EEFSEC: variants seen among roughly 807,000 people sequenced by gnomAD.
EEFSEC encodes the protein selenocysteine-specific elongation factor.
In EEFSEC, 43 loss-of-function variants were observed where a neutral mutation model predicts 42.1. That is an observed-to-expected ratio of 1.02 (90% CI 0.80 to 1.32). EEFSEC has a LOEUF of 1.32. Ranked by LOEUF, EEFSEC falls within the 40% of genes most tolerant of loss-of-function variation. EEFSEC has a pLI of 0.00. For synonymous variants in EEFSEC, 354 were observed against 339.1 expected (o/e 1.04, Z -0.48); for missense variants, 745 against 803.6 (o/e 0.93, Z 0.88).
intron 1 of EEFSEC, among the ~76,000 whole-genome samples, chr3:128,241,360 C>T (rs900094295): frequency 3.9e-5 from 6 of 151,998 alleles, no homozygotes; most frequent in Admixed American, 2.6e-4. Flanking sequence ...CAGGCATGCA[C>T]CACTATGCCT....
At chr3:128,212,437 AAGGGCCCCAG>A (rs2065768280) in intron 1 of EEFSEC, among the ~76,000 whole-genome samples, 1 of 152,154 alleles carries the variant, frequency 6.6e-6, no homozygotes, top group Non-Finnish European at 1.5e-5. Flanking sequence ...TCTGGTCTGG[AAGGGCCCCAG>A]AGGGCTCTTG....
chr3:128,247,039 A>G lies in EEFSEC; in HGVS notation c.520A>G (p.Thr174Ala), dbSNP rs2066135933. 2 of 1,613,938 alleles carry G rather than the reference A, an allele frequency of 1.2e-6. No individual in the cohort carries two copies. The highest frequency in any genetic ancestry group is 1.7e-6 in the Non-Finnish European group (2 of 1,180,004). The change falls in exon 2 of 7, where the codon ACC (threonine) becomes GCC (alanine). Residue 174 changes from threonine (T) to alanine (A), a missense_variant. By Grantham distance (58) the Thr-to-Ala change is moderately conservative. Coordinates refer to ENST00000254730, the MANE Select transcript of EEFSEC (RefSeq NM_021937.5). ...TKKMQKTLEN[T>A]KFRGAPIIPV... ...GAAAATGCAGAAGACCCTAGAGAAC[A>G]CCAAGTAGGTCTGCTAATGAGAGCA...
At chr3:128,272,099 G>A (rs959653821) in intron 4 of EEFSEC, among the ~76,000 whole-genome samples, 1 of 152,204 alleles carries the variant, frequency 6.6e-6, no homozygotes, top group Non-Finnish European at 1.5e-5. Flanking sequence ...GTGCTGGCTG[G>A]CTCCAGAACT....
intron 4 of EEFSEC, among the ~76,000 whole-genome samples, chr3:128,287,669 T>G (rs2066600419): frequency 6.6e-6 from 1 of 152,238 alleles, no homozygotes; most frequent in Non-Finnish European, 1.5e-5. Context: ...AAAGTGCCGG[T>G]AAGAATAGGG....
intron 4 of EEFSEC, among the ~76,000 whole-genome samples, chr3:128,323,347 C>T (rs1190795159): frequency 6.6e-6 from 1 of 152,152 alleles, no homozygotes; most frequent in Non-Finnish European, 1.5e-5. Flanking sequence ...TTTCTCCAGG[C>T]GGATTCCCTG....
intron 3 of EEFSEC, among the ~76,000 whole-genome samples, chr3:128,263,482 T>C (rs2066320080): frequency 6.6e-6 from 1 of 152,262 alleles, no homozygotes; most frequent in South Asian, 2.1e-4. Flanking sequence ...TACTTTTTCA[T>C]CAGGCTCCTG....
At position 128,246,295 on chromosome 3, in the gene EEFSEC, A is replaced by G. The variant is rs376471517; in HGVS notation, c.317-541A>G. ...CTTAGCGATTATGACACAGAACCTT[A>G]GATGCTCCTAACACCCCAGAAGGAA... On this transcript the variant is annotated intron_variant, in intron 1 of 6. Coordinates refer to ENST00000254730, the MANE Select transcript of EEFSEC (RefSeq NM_021937.5). 1.1e-4 allele frequency among the ~76,000 whole-genome samples: 17 copies of G among 152,268 alleles called. No homozygotes were observed. The South Asian group carries it at 2.9e-3, about 26-fold the overall frequency.
At chr3:128,200,994 G>C (rs148271212) in intron 1 of EEFSEC, among the ~76,000 whole-genome samples, 189 of 152,198 alleles carry the variant, frequency 1.2e-3, no homozygotes, top group African/African-American at 4.2e-3. Context: ...GGTGATCCTG[G>C]ACTTGAGTTG....
At chr3:128,201,270 C>T (rs534054187) in intron 1 of EEFSEC, among the ~76,000 whole-genome samples, 1 of 152,050 alleles carries the variant, frequency 6.6e-6, no homozygotes, top group African/African-American at 2.4e-5. Context: ...TCTCTAATTG[C>T]TCTACACTCA....
At chr3:128,319,334 A>G (rs2066982488) in intron 4 of EEFSEC, among the ~76,000 whole-genome samples, 2 of 152,144 alleles carry the variant, frequency 1.3e-5, no homozygotes, top group Admixed American at 6.5e-5. Context: ...CCTCATTTTA[A>G]TTTGCAAAAT....
At chr3:128,299,031 G>A (rs1473118316) in intron 4 of EEFSEC, among the ~76,000 whole-genome samples, 4 of 152,182 alleles carry the variant, frequency 2.6e-5, no homozygotes, top group African/African-American at 9.6e-5. Flanking sequence ...AGTAAACATG[G>A]AAGTGCAGAT....
intron 4 of EEFSEC, among the ~76,000 whole-genome samples, chr3:128,272,210 G>A (rs962873102): frequency 1.3e-5 from 2 of 152,222 alleles, no homozygotes; most frequent in African/African-American, 2.4e-5. Flanking sequence ...AATCCAAGAT[G>A]CAGTGCTACT....
intron 6 of EEFSEC, among the ~76,000 whole-genome samples, chr3:128,374,322 T>G (rs11919523): frequency 0.096 from 14,523 of 152,032 alleles, 1,627 homozygotes; most frequent in African/African-American, 0.27. Flanking sequence ...GCTTGTAGAC[T>G]TGTGTAAGCG....
intron 4 of EEFSEC, among the ~76,000 whole-genome samples, chr3:128,298,485 G>C (rs1021368866): frequency 6.6e-6 from 1 of 152,126 alleles, no homozygotes; most frequent in African/African-American, 2.4e-5. Context: ...GTACATATTT[G>C]GGGGCACATA....
chr3:128,408,922 G>A (rs2068154039), downstream of EEFSEC, among the ~76,000 whole-genome samples: 1 of 152,190 alleles, frequency 6.6e-6, no homozygotes, highest in Non-Finnish European at 1.5e-5. Context: ...GAATAGCAGG[G>A]TGCCTGGCCA....
intron 1 of EEFSEC, among the ~76,000 whole-genome samples, chr3:128,198,246 GC>G (rs2065606748): frequency 6.6e-6 from 1 of 152,202 alleles, no homozygotes; most frequent in African/African-American, 2.4e-5. Context: ...GGAGTGGAGT[GC>G]CTCCGTTCCA....
chr3:128,306,181 T>G (rs947248504), intron 4 of EEFSEC, among the ~76,000 whole-genome samples: 3 of 152,208 alleles, frequency 2.0e-5, no homozygotes, highest in African/African-American at 7.2e-5. Flanking sequence ...GCCTAATATA[T>G]GATTTTGTAA....
At chr3:128,387,793 T>A (rs1178201304) in intron 6 of EEFSEC, among the ~76,000 whole-genome samples, 1 of 151,942 alleles carries the variant, frequency 6.6e-6, no homozygotes. Flanking sequence ...GGAGGCCCAC[T>A]CAAACCCTGC....
Position 128,246,816 on chromosome 3 carries a change from C to T in EEFSEC, c.317-20C>T, listed in dbSNP as rs779065959. On this transcript the variant is annotated intron_variant, in intron 1 of 6. Transcript: ENST00000254730. Reference sequence around the variant, plus strand: ...TCACCACCCCTTTTCCCTTTCTAACCTTCTCTTCTCTTATTCCAGGGGCCC... The same window carrying T: ...TCACCACCCCTTTTCCCTTTCTAACTTTCTCTTCTCTTATTCCAGGGGCCC... The T allele has an allele frequency of 4.3e-6, 7 of 1,612,224 alleles. No homozygotes were observed. Among genetic ancestry groups the T allele is most frequent in the African/African-American group, 2.7e-5 (2 of 74,882 alleles).
Sources: gnomAD v4.1 joint callset for allele counts (sites outside exome capture counted in the v4.1 genomes callset) on GRCh38, gnomAD v4.1.1 for gene constraint, MANE v1.5 for transcripts, NCBI Gene and HGNC (gene_info 2026-07-23, HGNC 2026-07-21) for gene names.